Variants in AGBL1 observed in about 807,000 individuals in gnomAD.
AGBL1 encodes the protein cytosolic carboxypeptidase 4.
AGBL1 carries 130 observed loss-of-function variants against 118.9 expected under a neutral mutation model. The observed-to-expected ratio is 1.09, with a 90% CI of 0.95 to 1.26. The LOEUF is 1.26. Among genes scored for constraint, AGBL1 ranks in the 50% most tolerant of loss-of-function variants. AGBL1 has a pLI of 0.00. For missense variants in AGBL1, 1,584 were observed against 1,298.1 expected (o/e 1.22, Z -3.38); for synonymous variants, 555 against 478.9 (o/e 1.16, Z -2.08).
chr15:86,808,886 TTC>T (rs2141364007), intron 22 of AGBL1, among the ~76,000 whole-genome samples: 1 of 152,198 alleles, frequency 6.6e-6, no homozygotes, highest in Non-Finnish European at 1.5e-5. Flanking sequence ...TGGATGGATT[TTC>T]TCTTTTTTTC....
chr15:86,633,509 T>C (rs192662053), intron 21 of AGBL1, among the ~76,000 whole-genome samples: 27 of 152,264 alleles, frequency 1.8e-4, no homozygotes, highest in Admixed American at 1.3e-3. Context: ...TAGTGAACTC[T>C]CAGTAAATAA....
At chr15:86,333,549 T>C (rs1452847130) in intron 17 of AGBL1, among the ~76,000 whole-genome samples, 3 of 152,188 alleles carry the variant, frequency 2.0e-5, no homozygotes, top group Admixed American at 2.0e-4. Flanking sequence ...GAAAAACTTA[T>C]CAACCAAAAA....
chr15:86,256,989 C>G lies in AGBL1; in HGVS notation c.872C>G (p.Thr291Ser), dbSNP rs750144535. 1.2e-6 allele frequency: 2 copies of G among 1,613,908 alleles called. No homozygotes were observed. Among genetic ancestry groups the G allele is most frequent in the African/African-American group, 2.7e-5 (2 of 75,052 alleles). The change falls in exon 8 of 23, where the codon ACC (threonine) becomes AGC (serine). Residue 291 changes from threonine (T) to serine (S), a missense_variant. Thr to Ser is a moderately conservative substitution (Grantham distance 58). Transcript: ENST00000614907. ...AYAFPVPGCI[T>S]TEPPHDLPEE... ...GCCTTCCCGGTCCCCGGGTGCATCA[C>G]CACTGAACCTCCACATGATCTACCT...
chr15:86,420,618 G>A (rs1011898663), intron 18 of AGBL1, among the ~76,000 whole-genome samples: 4 of 152,160 alleles, frequency 2.6e-5, no homozygotes, highest in East Asian at 3.8e-4. Flanking sequence ...TGGGTTTGAC[G>A]AATTAACAGA....
intron 24 of AGBL1, among the ~76,000 whole-genome samples, chr15:87,027,243 C>G (rs1024529744): frequency 2.0e-5 from 3 of 151,942 alleles, no homozygotes; most frequent in African/African-American, 7.3e-5. Flanking sequence ...TCATCTCACA[C>G]CAGTTAGAAT....
chr15:86,659,256 A>G (rs926233471), intron 21 of AGBL1, among the ~76,000 whole-genome samples: 1 of 152,186 alleles, frequency 6.6e-6, no homozygotes, highest in Non-Finnish European at 1.5e-5. Context: ...TAAACAGTGC[A>G]AGAATTGGTG....
intron 16 of AGBL1, among the ~76,000 whole-genome samples, chr15:86,282,146 A>C (rs2079364650): frequency 1.3e-5 from 2 of 152,156 alleles, no homozygotes; most frequent in Non-Finnish European, 2.9e-5. Context: ...TACAGGGTCT[A>C]AAATTTGCAA....
chr15:86,364,976 T>TATATACACACACACAC (rs1453638236), intron 17 of AGBL1, among the ~76,000 whole-genome samples: 2 of 83,256 alleles, frequency 2.4e-5, no homozygotes, highest in Non-Finnish European at 5.6e-5. Flanking sequence ...TATATATATA[T>TATATACACACACACAC]ATATATATAT....
chr15:86,956,755 C>T (rs1027253681), intron 23 of AGBL1, among the ~76,000 whole-genome samples: 1 of 152,110 alleles, frequency 6.6e-6, no homozygotes, highest in Non-Finnish European at 1.5e-5. Context: ...AATTAATCAT[C>T]ACATATGCCA....
chr15:86,485,038 CAG>C (rs1375516037), intron 18 of AGBL1, among the ~76,000 whole-genome samples: 2 of 152,100 alleles, frequency 1.3e-5, no homozygotes, highest in Non-Finnish European at 2.9e-5. Flanking sequence ...GAACTCCTTG[CAG>C]AGAGAAGAGC....
chr15:86,771,411 T>C (rs1026854830), intron 22 of AGBL1, among the ~76,000 whole-genome samples: 1 of 151,832 alleles, frequency 6.6e-6, no homozygotes, highest in African/African-American at 2.4e-5. Context: ...GCTTGCTCTT[T>C]CCAATGCGCT....
At chr15:86,202,653 A>G (rs2077926276) in intron 5 of AGBL1, among the ~76,000 whole-genome samples, 1 of 152,168 alleles carries the variant, frequency 6.6e-6, no homozygotes, top group African/African-American at 2.4e-5. Context: ...AATGTTTTAT[A>G]ATCCTTAAAA....
chr15:86,559,412 G>T (rs2083781615), intron 21 of AGBL1, among the ~76,000 whole-genome samples: 4 of 152,078 alleles, frequency 2.6e-5, no homozygotes, highest in Admixed American at 2.6e-4. Context: ...CCCTAAATAT[G>T]TTATAACAGT....
chr15:86,565,633 G>GGAGTTT (rs2083901697), intron 21 of AGBL1, among the ~76,000 whole-genome samples: 1 of 152,214 alleles, frequency 6.6e-6, no homozygotes, highest in South Asian at 2.1e-4. Context: ...CTCCATGCTA[G>GGAGTTT]GAGAACCACT....
At chr15:86,567,001 AGCTACT>A (rs1267588143) in intron 21 of AGBL1, among the ~76,000 whole-genome samples, 1 of 152,170 alleles carries the variant, frequency 6.6e-6, no homozygotes, top group African/African-American at 2.4e-5. Context: ...AGACTGAATG[AGCTACT>A]GCCTACAAAA....
At chr15:86,532,662 A>C (rs1021134688) in intron 19 of AGBL1, among the ~76,000 whole-genome samples, 1 of 151,512 alleles carries the variant, frequency 6.6e-6, no homozygotes, top group Non-Finnish European at 1.5e-5. Context: ...AGTCAATCCT[A>C]AGCCAAAAGA....
At chr15:86,933,674 C>G (rs559107991) in intron 23 of AGBL1, among the ~76,000 whole-genome samples, 1 of 152,180 alleles carries the variant, frequency 6.6e-6, no homozygotes, top group African/African-American at 2.4e-5. Flanking sequence ...TCAATGATCA[C>G]GTTTTATCTG....
chr15:86,676,918 T>C (rs1349131426), intron 22 of AGBL1, among the ~76,000 whole-genome samples: 1 of 151,942 alleles, frequency 6.6e-6, no homozygotes, highest in East Asian at 1.9e-4. Context: ...CTGACCAACA[T>C]GGTAAAACCC....
intron 23 of AGBL1, among the ~76,000 whole-genome samples, chr15:86,964,270 T>G (rs1202127260): frequency 6.6e-6 from 1 of 151,916 alleles, no homozygotes; most frequent in African/African-American, 2.4e-5. Flanking sequence ...GCAGGATAAT[T>G]CTTTGTTGTG....
Sources: gnomAD v4.1 joint callset for allele counts (sites outside exome capture counted in the v4.1 genomes callset) on GRCh38, gnomAD v4.1.1 for gene constraint, MANE v1.5 for transcripts, NCBI Gene and HGNC (gene_info 2026-07-23, HGNC 2026-07-21) for gene names.